The following ATP2C2 variants were observed in gnomAD, a reference collection of about 807,000 sequenced individuals.
ATP2C2 encodes ATPase secretory pathway Ca2+ transporting 2.
A neutral mutation model predicts 110.8 loss-of-function variants in ATP2C2; 171 were observed. That is an observed-to-expected ratio of 1.54 (90% CI 1.36 to 1.75). The LOEUF (loss-of-function observed/expected upper bound fraction) is 1.75. Ranked by LOEUF, ATP2C2 falls within the 40% of genes most tolerant of loss-of-function variation. The probability of loss-of-function intolerance (pLI) is 0.00; values close to 1 mark genes in which losing one functional copy is unlikely to be tolerated. For missense variants in ATP2C2, 1,963 were observed against 1,235.0 expected, an observed-to-expected ratio of 1.59 and a Z score of -8.84; for synonymous variants, 804 against 508.4, an observed-to-expected ratio of 1.58 and a Z score of -7.82.
At chr16:84,404,401 T>C in intron 2 of ATP2C2, 1 of 157,026 alleles carries the variant, frequency 6.4e-6, no homozygotes, top group Non-Finnish European at 1.4e-5. Flanking sequence ...TCTATGAATT[T>C]GACTAGTCTA....
Position 84,390,371 on chromosome 16 carries a change from C to T in ATP2C2, c.100-8128C>T, listed in dbSNP as rs908260638. Among the ~76,000 whole-genome samples the T allele has an allele frequency of 4.6e-5, 7 of 152,324 alleles. No individual in the cohort carries two copies. The South Asian group carries it at 1.5e-3, about 32-fold the overall frequency. Reference sequence around the variant, plus strand: ...GTGCACTTCGTGGTCCCCTCGGGAGCCTCTGGTAGGTTAAACGTCAGTCCT... The same window carrying T: ...GTGCACTTCGTGGTCCCCTCGGGAGTCTCTGGTAGGTTAAACGTCAGTCCT... On this transcript the variant is annotated intron_variant, in intron 1 of 26. Transcript: ENST00000262429.
intron 7 of ATP2C2, among the ~76,000 whole-genome samples, chr16:84,420,643 TG>T (rs1907250077): frequency 6.6e-6 from 1 of 152,116 alleles, no homozygotes; most frequent in South Asian, 2.1e-4. Context: ...GATGCCTTCT[TG>T]TTACCTTGAG....
intron 4 of ATP2C2, 58 bp downstream of exon 4, chr16:84,408,552 C>G (rs538913558): frequency 1.4e-6 from 2 of 1,386,568 alleles, no homozygotes; most frequent in East Asian, 4.6e-5. Context: ...TGCTGAGTCT[C>G]TGCTTGTTAT....
In ATP2C2 at chr16:84,425,730, C is replaced by T. The variant is rs1439051952; in HGVS notation, c.920-5C>T. On this transcript the variant is annotated splice_polypyrimidine_tract_variant and splice_region_variant and intron_variant, in intron 10 of 26. Transcript: ENST00000262429. ...GAGATAAGGATGTTTTTGTCTCTTC[C>T]CCAGGTCTCATCATGCTCATTGGCT... 1 of 1,613,858 alleles carries T rather than the reference C, an allele frequency of 6.2e-7. No homozygotes were observed. The highest frequency in any genetic ancestry group is 1.3e-5 in the African/African-American group (1 of 74,890).
At chr16:84,455,424 A>T (rs1270037840) in intron 21 of ATP2C2, among the ~76,000 whole-genome samples, 1 of 152,184 alleles carries the variant, frequency 6.6e-6, no homozygotes, top group Admixed American at 6.5e-5. Flanking sequence ...GTGTTGATAC[A>T]TATATCTCAG....
At chr16:84,388,346 T>C (rs1214691708) in intron 1 of ATP2C2, among the ~76,000 whole-genome samples, 1 of 151,800 alleles carries the variant, frequency 6.6e-6, no homozygotes, top group East Asian at 1.9e-4. Flanking sequence ...AAAGAAAAAC[T>C]AGTATCAACC....
At chr16:84,443,550 T>C (rs1367013080) in intron 15 of ATP2C2, among the ~76,000 whole-genome samples, 1 of 152,202 alleles carries the variant, frequency 6.6e-6, no homozygotes, top group Non-Finnish European at 1.5e-5. Flanking sequence ...TGCTTCCTCC[T>C]GGACTTTGAC....
intron 11 of ATP2C2, among the ~76,000 whole-genome samples, chr16:84,435,919 A>C (rs1908696791): frequency 6.6e-6 from 1 of 152,322 alleles, no homozygotes; most frequent in Non-Finnish European, 1.5e-5. Flanking sequence ...ACTTGAGGCC[A>C]GGAGTTCAAG....
At chr16:84,461,025 G>C in intron 24 of ATP2C2, 3 of 579,176 alleles carry the variant, frequency 5.2e-6, no homozygotes, top group Non-Finnish European at 8.6e-6. Flanking sequence ...AACTACAGAG[G>C]CCAGCGGGGT....
intron 11 of ATP2C2, among the ~76,000 whole-genome samples, chr16:84,435,651 C>G (rs754904894): frequency 6.6e-6 from 1 of 152,028 alleles, no homozygotes; most frequent in African/African-American, 2.4e-5. Context: ...CAGAGTGAGA[C>G]CTTGTCTCTA....
intron 16 of ATP2C2, among the ~76,000 whole-genome samples, chr16:84,447,033 A>G (rs1005290683): frequency 6.6e-6 from 1 of 151,436 alleles, no homozygotes; most frequent in Non-Finnish European, 1.5e-5. Context: ...CCGGGTGGAC[A>G]TTACAGCTGA....
chr16:84,458,649 G>A (rs1023308334), intron 21 of ATP2C2, among the ~76,000 whole-genome samples: 4 of 152,186 alleles, frequency 2.6e-5, no homozygotes, highest in African/African-American at 4.8e-5. Context: ...AAGGGCTTCC[G>A]CGAAGAGCCT....
intron 1 of ATP2C2, among the ~76,000 whole-genome samples, chr16:84,374,020 G>A (rs1177773430): frequency 6.6e-6 from 1 of 152,226 alleles, no homozygotes; most frequent in Non-Finnish European, 1.5e-5. Context: ...GCTGTCATCT[G>A]ATAACCGTAG....
chr16:84,401,044 C>T (rs1905285893), intron 2 of ATP2C2, among the ~76,000 whole-genome samples: 1 of 152,068 alleles, frequency 6.6e-6, no homozygotes, highest in Non-Finnish European at 1.5e-5. Context: ...TGATGATTTC[C>T]TTTGCTGTGC....
chr16:84,433,411 AACC>A lies in ATP2C2; in HGVS notation c.987-5753_987-5751del, dbSNP rs1908454220. 2.6e-4 allele frequency among the ~76,000 whole-genome samples: 34 copies of A among 131,918 alleles called. No homozygotes were observed. The South Asian group carries it at 7.6e-3, about 30-fold the overall frequency. The allele number at this position is 131,918 out of a possible 152,430, so 86.5% of individuals were successfully genotyped here. On this transcript the variant is annotated intron_variant, in intron 11 of 26. Transcript: ENST00000262429. ...AAACAAAAACAAAAGAAAACCAAAA[AACC>A]AAAAAAATCTCCTGCAGATCATGAG...
intron 16 of ATP2C2, among the ~76,000 whole-genome samples, chr16:84,447,738 T>TATATATA (rs979095165): frequency 6.9e-6 from 1 of 145,924 alleles, no homozygotes; most frequent in East Asian, 1.9e-4. Flanking sequence ...ATATATTAGT[T>TATATATA]ATATATAATA....
intron 23 of ATP2C2, 47 bp from the exon 24 acceptor site, chr16:84,460,607 T>C (rs1212216333): frequency 1.9e-6 from 3 of 1,613,576 alleles, no homozygotes; most frequent in Non-Finnish European, 2.5e-6. Context: ...GGGTCCTTTA[T>C]TTCATTCCTG....
At chr16:84,380,394 ACTTGT>A (rs1364058488) in intron 1 of ATP2C2, among the ~76,000 whole-genome samples, 1 of 151,762 alleles carries the variant, frequency 6.6e-6, no homozygotes, top group Non-Finnish European at 1.5e-5. Flanking sequence ...TCCTGTCTAA[ACTTGT>A]CTTAAGTTTT....
chr16:84,369,504 C>CTTT, intron 1 of ATP2C2, among the ~76,000 whole-genome samples: 1 of 146,888 alleles, frequency 6.8e-6, no homozygotes, highest in East Asian at 2.0e-4. Flanking sequence ...GGTCGTTGCA[C>CTTT]TTTTTTTTTT....
Sources: allele counts gnomAD v4.1 joint callset (sites outside exome capture counted in the v4.1 genomes callset), GRCh38; gene constraint gnomAD v4.1.1; transcripts MANE v1.5; gene names NCBI Gene and HGNC (gene_info 2026-07-23, HGNC 2026-07-21).